Variants in DOP1B observed in about 807,000 individuals in gnomAD.
DOP1B encodes the protein protein DOP1B.
DOP1B carries 174 observed loss-of-function variants against 233.5 expected under a neutral mutation model. The ratio of observed to expected loss-of-function variants is 0.75; its 90% CI spans 0.66 to 0.85. DOP1B has a LOEUF of 0.85. Among genes scored for constraint, DOP1B ranks in the 40% least tolerant of loss-of-function variants. The pLI, the probability that DOP1B is intolerant of heterozygous loss-of-function variation, is 0.00. For synonymous variants in DOP1B, 1,190 were observed against 1,185.6 expected (o/e 1.00, Z -0.08); for missense variants, 2,652 against 2,846.6 (o/e 0.93, Z 1.56).
Position 36,253,771 on chromosome 21 carries a change from G to A in DOP1B, c.5122-1G>A. ...CAAGGAACTTTTTTTTTTCTTGGCA[G>A]ATTATCCCAACGGCAAGTGCATCCC... On this transcript the variant is annotated splice_acceptor_variant, in intron 22 of 36. Transcript: ENST00000691173. LOFTEE classifies it high-confidence loss of function. 1 of 1,604,258 alleles carries A rather than the reference G, an allele frequency of 6.2e-7. No homozygotes were observed. Among genetic ancestry groups the A allele is most frequent in the Admixed American group, 1.7e-5 (1 of 58,026 alleles).
intron 2 of DOP1B, among the ~76,000 whole-genome samples, chr21:36,183,055 A>C (rs1569005143): frequency 6.6e-6 from 1 of 152,090 alleles, no homozygotes; most frequent in Non-Finnish European, 1.5e-5. Context: ...GGGTCTCACT[A>C]TGTTGCCCAG....
intron 26 of DOP1B, 79 bp downstream of exon 26, chr21:36,263,893 G>C: frequency 7.5e-7 from 1 of 1,335,676 alleles, no homozygotes; most frequent in South Asian, 1.2e-5. Flanking sequence ...CAGATAGCAG[G>C]TAGACAAGAG....
chr21:36,260,856 A>G (rs1287407173), intron 24 of DOP1B, 124 bp downstream of exon 24: 11 of 1,526,196 alleles, frequency 7.2e-6, no homozygotes, highest in South Asian at 1.3e-5. Context: ...AAAATATCTT[A>G]AAGTTGTCAT....
At chr21:36,227,361 C>CA (rs1380412636) in intron 12 of DOP1B, among the ~76,000 whole-genome samples, 15 of 151,566 alleles carry the variant, frequency 9.9e-5, no homozygotes, top group Non-Finnish European at 1.8e-4. Context: ...TCCTGGCTAA[C>CA]ACGGTGAAAC....
At chr21:36,234,292 A>G (rs758415941) in intron 15 of DOP1B, among the ~76,000 whole-genome samples, 12 of 152,194 alleles carry the variant, frequency 7.9e-5, no homozygotes, top group Non-Finnish European at 1.3e-4. Context: ...TCTTGGCCCT[A>G]CATAGATCAG....
chr21:36,230,568 C>T lies in DOP1B; in HGVS notation c.1784C>T (p.Ala595Val), dbSNP rs1176047455. 8.7e-6 allele frequency: 14 copies of T among 1,614,076 alleles called. No homozygotes were observed. In the East Asian group the frequency reaches 3.1e-4, roughly 36 times the overall value. The change falls in exon 14 of 37, where the codon GCC becomes GTC. Residue 595 changes from alanine (A) to valine (V), a missense_variant. Around this residue, in one of 3 missense-constraint regions of DOP1B, gnomAD observed 2,617 missense variants for 2,794.3 expected, o/e 0.94. Coordinates refer to ENST00000691173, the MANE Select transcript of DOP1B (RefSeq NM_001320714.2). ...KSEDSGIGLS[A>V]SSPELSEHLR... ...GAGGACAGTGGGATCGGGCTCAGTG[C>T]CTCGTCACCGGAGCTCTCTGAGCAC...
intron 3 of DOP1B, 73 bp from the exon 4 acceptor site, chr21:36,200,258 G>A (rs1192970047): frequency 6.7e-6 from 10 of 1,491,748 alleles, no homozygotes; most frequent in African/African-American, 2.8e-5. Flanking sequence ...AACTCCCCTC[G>A]GCTGGCTTGT....
intron 22 of DOP1B, 64 bp downstream of exon 22, chr21:36,251,348 T>C (rs914718727): frequency 6.4e-7 from 1 of 1,555,468 alleles, no homozygotes; most frequent in South Asian, 1.2e-5. Context: ...CACAGAATCA[T>C]GTGGAATCAA....
intron 27 of DOP1B, among the ~76,000 whole-genome samples, chr21:36,271,741 C>A (rs935205805): frequency 6.6e-6 from 1 of 152,008 alleles, no homozygotes; most frequent in Non-Finnish European, 1.5e-5. Flanking sequence ...GAAAGTAACA[C>A]CCCAAGACCA....
intron 1 of DOP1B, among the ~76,000 whole-genome samples, chr21:36,159,910 T>A (rs1315653595): frequency 1.3e-5 from 2 of 152,204 alleles, no homozygotes; most frequent in Non-Finnish European, 2.9e-5. Flanking sequence ...GCAAGGCCAC[T>A]TTGTCCACCC....
At chr21:36,157,486 C>A (rs898804415) in intron 1 of DOP1B, among the ~76,000 whole-genome samples, 1 of 152,240 alleles carries the variant, frequency 6.6e-6, no homozygotes, top group Non-Finnish European at 1.5e-5. Flanking sequence ...CAGCCTGGCC[C>A]CTGCGCCCTG....
intron 4 of DOP1B, among the ~76,000 whole-genome samples, chr21:36,201,666 CCTT>C (rs764875644): frequency 5.3e-4 from 81 of 152,002 alleles, no homozygotes; most frequent in Non-Finnish European, 9.7e-4. Flanking sequence ...ATTCTAAAGT[CCTT>C]CTTCTTTCCA....
At chr21:36,228,338 C>T (rs2066716870) in intron 13 of DOP1B, among the ~76,000 whole-genome samples, 1 of 152,050 alleles carries the variant, frequency 6.6e-6, no homozygotes, top group Non-Finnish European at 1.5e-5. Context: ...TGGCACATGC[C>T]TGTAGTCCCA....
At chr21:36,162,791 C>T (rs768399277) in intron 1 of DOP1B, among the ~76,000 whole-genome samples, 3 of 152,056 alleles carry the variant, frequency 2.0e-5, no homozygotes, top group East Asian at 1.9e-4. Context: ...GTGATCTGCC[C>T]GCCTTGGCCT....
In DOP1B at chr21:36,248,535, G is replaced by C; in HGVS notation, c.4965G>C (p.Lys1655Asn). The C allele has an allele frequency of 6.2e-7, 1 of 1,611,924 alleles. No individual in the cohort carries two copies. Among genetic ancestry groups the C allele is most frequent in the Non-Finnish European group, 8.5e-7 (1 of 1,179,404 alleles). ...CTGTCGATCTCCTAGGGGCCACGAA[G>C]GGATCCTCTTCCGTTTACTTTAAAA... Reference protein sequence around the residue: ...KRPVDLLGATKGSSSVYFKTT... With the variant: ...KRPVDLLGATNGSSSVYFKTT... Residue 1655 changes from lysine to asparagine, a missense_variant, in exon 21 of 37, where the codon AAG (lysine) becomes AAC (asparagine). Around this residue, in one of 3 missense-constraint regions of DOP1B, gnomAD observed 2,617 missense variants for 2,794.3 expected, o/e 0.94. Transcript: ENST00000691173.
rs114968880 is a variant in DOP1B at position 36,208,484 on chromosome 21, C to T, written c.492-231C>T. ...AGCCACTTTCCATTGGCCAAGACAC[C>T]GCGCTGCCTAGTGACATTGGTTTTG... On this transcript the variant is annotated intron_variant, in intron 4 of 36. Transcript: ENST00000691173. Among the ~76,000 whole-genome samples, 977 of 152,316 alleles carry T rather than the reference C, an allele frequency of 6.4e-3. 14 individuals are homozygous for T. The highest frequency in any genetic ancestry group is 0.044 in the Admixed American group (673 of 15,292).
At chr21:36,200,599 T>C in intron 4 of DOP1B, 98 bp downstream of exon 4, 1 of 1,410,558 alleles carries the variant, frequency 7.1e-7, no homozygotes. Flanking sequence ...ATCCCAGCAC[T>C]TTGGAAGGCC....
Position 36,236,781 on chromosome 21 carries a change from T to C in DOP1B, c.2623-481T>C, listed in dbSNP as rs577136484. Among the ~76,000 whole-genome samples the C allele has an allele frequency of 9.2e-4, 134 of 145,386 alleles. 1 individual carries two copies. The highest frequency in any genetic ancestry group is 2.9e-3 in the African/African-American group (114 of 39,636). On this transcript the variant is annotated intron_variant, in intron 15 of 36. Transcript: ENST00000691173. ...TTCTTTTTTCTTTTTCTTTTTCTTT[T>C]TTTTTTTTTTTTTGAGACAGAGTCT...
At position 36,270,137 on chromosome 21, in the gene DOP1B, A is replaced by G; in HGVS notation, c.5612A>G (p.Asp1871Gly). Reference sequence around the variant, plus strand: ...CCTCAGGCCTCTCTAGAAGAATCTGATGCTGAGGAGGACCTGTATGGTAGG... The same window carrying G: ...CCTCAGGCCTCTCTAGAAGAATCTGGTGCTGAGGAGGACCTGTATGGTAGG... ...AQPQASLEES[D>G]AEEDLYDAAA... The change falls in exon 27 of 37, where the codon GAT (aspartate) becomes GGT (glycine). Residue 1871 changes from aspartate to glycine, a missense_variant. Transcript: ENST00000691173. The G allele has an allele frequency of 6.2e-7, 1 of 1,614,134 alleles. No homozygotes were observed. Among genetic ancestry groups the G allele is most frequent in the Non-Finnish European group, 8.5e-7 (1 of 1,180,038 alleles).
Sources: gnomAD v4.1 joint callset for allele counts (sites outside exome capture counted in the v4.1 genomes callset) on GRCh38, gnomAD v4.1.1 for gene constraint, gnomAD v4.1.1 regional missense constraint, MANE v1.5 for transcripts, NCBI Gene and HGNC (gene_info 2026-07-23, HGNC 2026-07-21) for gene names.